Variants in NCOA1 observed in about 807,000 individuals in gnomAD.
The protein encoded by NCOA1 is Hin-2 protein.
A neutral mutation model predicts 150.9 loss-of-function variants in NCOA1; 35 were observed. The observed-to-expected ratio is 0.23, with a 90% CI of 0.18 to 0.31. NCOA1 has a LOEUF of 0.31. Ranked by LOEUF, NCOA1 falls within the 10% of genes least tolerant of loss-of-function variation. The probability of loss-of-function intolerance (pLI) is 1.00; values close to 1 mark genes in which losing one functional copy is unlikely to be tolerated. For synonymous variants in NCOA1, 590 were observed against 630.0 expected (o/e 0.94, Z 0.95); for missense variants, 1,491 against 1,749.3 (o/e 0.85, Z 2.63).
chr2:24,592,538 A>T (rs928215894), intron 3 of NCOA1, among the ~76,000 whole-genome samples: 3 of 150,548 alleles, frequency 2.0e-5, no homozygotes, highest in Non-Finnish European at 4.4e-5. Flanking sequence ...GATGAAATTT[A>T]AGAAAAGTGT....
At chr2:24,586,465 C>T (rs1054251304) in intron 3 of NCOA1, among the ~76,000 whole-genome samples, 6 of 151,934 alleles carry the variant, frequency 3.9e-5, no homozygotes, top group Admixed American at 2.6e-4. Context: ...GGGCTCACTG[C>T]AGCATCTACC....
chr2:24,684,182 T>G (rs1253422722), intron 8 of NCOA1, among the ~76,000 whole-genome samples: 2 of 152,234 alleles, frequency 1.3e-5, no homozygotes, highest in East Asian at 3.8e-4. Flanking sequence ...CTGTAGATTC[T>G]TTTGCTCTAC....
chr2:24,767,869 A>G, intron 22 of NCOA1: 1 of 497,028 alleles, frequency 2.0e-6, no homozygotes. Context: ...CAGTTTTCTA[A>G]ATATCATGTA....
intron 10 of NCOA1, among the ~76,000 whole-genome samples, chr2:24,696,532 T>G (rs936821819): frequency 2.0e-5 from 3 of 152,232 alleles, no homozygotes; most frequent in East Asian, 3.8e-4. Flanking sequence ...TCTTACACAT[T>G]GCTGGTGGAA....
chr2:24,750,358 G>A (rs530654322), intron 19 of NCOA1, among the ~76,000 whole-genome samples: 4 of 152,186 alleles, frequency 2.6e-5, no homozygotes, highest in South Asian at 4.1e-4. Flanking sequence ...CCATAAAGTC[G>A]CAACAATCAA....
At chr2:24,542,529 T>C (rs1302858649) in intron 1 of NCOA1, among the ~76,000 whole-genome samples, 1 of 152,184 alleles carries the variant, frequency 6.6e-6, no homozygotes, top group Non-Finnish European at 1.5e-5. Context: ...AATATAACAA[T>C]AATTTTTGCT....
intron 3 of NCOA1, among the ~76,000 whole-genome samples, chr2:24,618,276 A>G (rs1269089897): frequency 1.3e-5 from 2 of 152,160 alleles, no homozygotes; most frequent in South Asian, 2.1e-4. Context: ...ACTACTCATT[A>G]TATCTGGATA....
chr2:24,597,287 G>C (rs181073711), intron 3 of NCOA1, among the ~76,000 whole-genome samples: 31 of 152,246 alleles, frequency 2.0e-4, no homozygotes, highest in African/African-American at 6.7e-4. Context: ...CTTGAGAACA[G>C]AGACATCAGT....
intron 3 of NCOA1, among the ~76,000 whole-genome samples, chr2:24,637,585 G>T (rs180936868): frequency 6.6e-6 from 1 of 151,944 alleles, no homozygotes; most frequent in Non-Finnish European, 1.5e-5. Flanking sequence ...GTAAACTATC[G>T]CAAGAACAAA....
chr2:24,560,143 C>CT (rs1378895524), intron 1 of NCOA1, among the ~76,000 whole-genome samples: 1 of 152,154 alleles, frequency 6.6e-6, no homozygotes, highest in Non-Finnish European at 1.5e-5. Context: ...ACTGAGAGAA[C>CT]TTTCCTTATG....
intron 2 of NCOA1, among the ~76,000 whole-genome samples, chr2:24,578,111 A>T (rs1025004305): frequency 1.3e-5 from 2 of 152,128 alleles, no homozygotes; most frequent in Non-Finnish European, 2.9e-5. Context: ...TGATACTTCT[A>T]GTTTCAGAAA....
intron 3 of NCOA1, among the ~76,000 whole-genome samples, chr2:24,631,868 A>G (rs1300806467): frequency 6.6e-6 from 1 of 152,212 alleles, no homozygotes; most frequent in Admixed American, 6.5e-5. Context: ...TATGTTATTG[A>G]GTAATTTCTG....
chr2:24,553,523 G>C (rs1429582409), intron 1 of NCOA1, among the ~76,000 whole-genome samples: 1 of 152,110 alleles, frequency 6.6e-6, no homozygotes, highest in East Asian at 1.9e-4. Context: ...CAGCACAAAT[G>C]CCGTTTTTTT....
intron 18 of NCOA1, 122 bp downstream of exon 18, chr2:24,739,655 A>G (rs1663507644): frequency 3.2e-6 from 2 of 629,176 alleles, no homozygotes; most frequent in Admixed American, 3.1e-5. Flanking sequence ...TTTGTAGTGT[A>G]GTTTTCTTTG....
At position 24,724,080 on chromosome 2, in the gene NCOA1, TTTTTGTTTTG is replaced by T. The variant is rs200648819; in HGVS notation, c.2600-2485_2600-2476del. The stretch of plus-strand genomic sequence containing the variant: ...ATATAAGGGGGGTTTTTTTGTTTGT[TTTTTGTTTTG>T]TTTTGTTTTGTTTTGTTTTGTTTGC... On this transcript the variant is annotated intron_variant, in intron 14 of 22. Transcript: ENST00000348332. Among the ~76,000 whole-genome samples the T allele has an allele frequency of 6.9e-3, 1,049 of 151,738 alleles. 7 individuals carry two copies. Among genetic ancestry groups the T allele is most frequent in the Non-Finnish European group, 0.011 (756 of 67,938 alleles).
At chr2:24,660,558 T>C (rs912289932) in intron 5 of NCOA1, among the ~76,000 whole-genome samples, 1 of 152,170 alleles carries the variant, frequency 6.6e-6, no homozygotes, top group Non-Finnish European at 1.5e-5. Flanking sequence ...GTATACTTTT[T>C]CAACATGGAT....
intron 17 of NCOA1, among the ~76,000 whole-genome samples, chr2:24,738,040 A>G (rs555122951): frequency 1.2e-4 from 19 of 152,250 alleles, no homozygotes; most frequent in Admixed American, 2.6e-4. Context: ...CAGAACTTCA[A>G]AAAGTTTTAA....
intron 17 of NCOA1, among the ~76,000 whole-genome samples, chr2:24,736,823 A>G (rs1419345900): frequency 2.0e-5 from 3 of 152,148 alleles, no homozygotes; most frequent in African/African-American, 4.8e-5. Context: ...GTCAGCGAAA[A>G]TGTCTTCAGA....
At chr2:24,663,173 GC>G (rs1330491314) in intron 5 of NCOA1, among the ~76,000 whole-genome samples, 1 of 151,942 alleles carries the variant, frequency 6.6e-6, no homozygotes, top group Admixed American at 6.6e-5. Flanking sequence ...CACATCTCTT[GC>G]CCTTTTGTTT....
Sources: gnomAD v4.1 joint callset for allele counts (sites outside exome capture counted in the v4.1 genomes callset) on GRCh38, gnomAD v4.1.1 for gene constraint, MANE v1.5 for transcripts, NCBI Gene and HGNC (gene_info 2026-07-23, HGNC 2026-07-21) for gene names.